The following LARP4 variants were observed in gnomAD, a reference collection of about 807,000 sequenced individuals.
The protein encoded by LARP4 is La ribonucleoprotein 4.
LARP4 carries 29 observed loss-of-function variants against 92.9 expected under a neutral mutation model. That is an observed-to-expected ratio of 0.31 (90% CI 0.23 to 0.43). The LOEUF (loss-of-function observed/expected upper bound fraction) is 0.43, where lower values mean the gene tolerates loss of function less well. Among genes scored for constraint, LARP4 ranks in the 20% least tolerant of loss-of-function variants. The probability of loss-of-function intolerance (pLI) is 1.00; values close to 1 mark genes in which losing one functional copy is unlikely to be tolerated. For missense variants in LARP4, 732 were observed against 860.0 expected (o/e 0.85, Z 1.86); for synonymous variants, 279 against 284.1 (o/e 0.98, Z 0.18).
At chr12:50,439,561 C>G (rs1950906644) in intron 6 of LARP4, among the ~76,000 whole-genome samples, 1 of 152,076 alleles carries the variant, frequency 6.6e-6, no homozygotes, top group Non-Finnish European at 1.5e-5. Flanking sequence ...AGCCACCATG[C>G]CCAGCCAATT....
At chr12:50,419,113 C>A (rs1947323483) in intron 1 of LARP4, among the ~76,000 whole-genome samples, 2 of 152,000 alleles carry the variant, frequency 1.3e-5, no homozygotes, top group South Asian at 4.2e-4. Context: ...GTAGTCCCAG[C>A]ACTTTGGGAG....
At chr12:50,440,081 C>T (rs546336386) in intron 6 of LARP4, among the ~76,000 whole-genome samples, 2 of 152,352 alleles carry the variant, frequency 1.3e-5, no homozygotes, top group Non-Finnish European at 2.9e-5. Context: ...TAGCTTGCCA[C>T]TGGAAGTGAA....
intron 1 of LARP4, among the ~76,000 whole-genome samples, chr12:50,422,261 G>A (rs368355092): frequency 5.7e-4 from 87 of 152,116 alleles, no homozygotes; most frequent in African/African-American, 2.0e-3. Context: ...CACTGCCCCC[G>A]ACCTACATTG....
At chr12:50,459,546 C>T (rs903067486) in intron 10 of LARP4, among the ~76,000 whole-genome samples, 1 of 151,906 alleles carries the variant, frequency 6.6e-6, no homozygotes, top group Non-Finnish European at 1.5e-5. Flanking sequence ...GAATGCATAG[C>T]TGGGCCTGGT....
intron 6 of LARP4, among the ~76,000 whole-genome samples, chr12:50,438,927 G>A (rs1219407660): frequency 6.6e-6 from 1 of 152,180 alleles, no homozygotes; most frequent in African/African-American, 2.4e-5. Flanking sequence ...TAGCTATTTA[G>A]AACAGAGTGT....
intron 8 of LARP4, among the ~76,000 whole-genome samples, chr12:50,448,363 T>A (rs1227955405): frequency 6.6e-6 from 1 of 152,142 alleles, no homozygotes; most frequent in Non-Finnish European, 1.5e-5. Flanking sequence ...AGACTGAAAC[T>A]CTATAAATGT....
At chr12:50,428,428 A>G (rs1178866776) in intron 2 of LARP4, among the ~76,000 whole-genome samples, 1 of 152,192 alleles carries the variant, frequency 6.6e-6, no homozygotes, top group African/African-American at 2.4e-5. Context: ...TGTAGTTTGT[A>G]TATAATTCTC....
intron 12 of LARP4, among the ~76,000 whole-genome samples, chr12:50,463,265 G>A (rs1484139639): frequency 6.6e-6 from 1 of 151,126 alleles, no homozygotes; most frequent in Non-Finnish European, 1.5e-5. Flanking sequence ...AAGCAGAACG[G>A]TCAGGACATC....
chr12:50,436,139 GTA>G (rs1419576593), intron 5 of LARP4, among the ~76,000 whole-genome samples: 1 of 139,220 alleles, frequency 7.2e-6, no homozygotes, highest in Non-Finnish European at 1.5e-5. Flanking sequence ...GTGTGTGTGT[GTA>G]TATATCCCGC....
chr12:50,458,900 G>A (rs1417730363), intron 10 of LARP4, among the ~76,000 whole-genome samples: 1 of 152,198 alleles, frequency 6.6e-6, no homozygotes, highest in Non-Finnish European at 1.5e-5. Context: ...GTCATGCCAT[G>A]CTATTGGGTG....
intron 1 of LARP4, among the ~76,000 whole-genome samples, chr12:50,424,447 C>T: frequency 6.6e-6 from 1 of 151,738 alleles, no homozygotes; most frequent in East Asian, 2.0e-4. Context: ...CAACCACTGT[C>T]TATGGGGTTC....
At chr12:50,456,517 T>A (rs555055577) in intron 10 of LARP4, among the ~76,000 whole-genome samples, 9 of 152,330 alleles carry the variant, frequency 5.9e-5, no homozygotes, top group Admixed American at 4.6e-4. Context: ...TGTTAACAGC[T>A]AAGGACAAAG....
At chr12:50,465,371 C>CAAAAA (rs368980753) in intron 12 of LARP4, among the ~76,000 whole-genome samples, 4 of 112,354 alleles carry the variant, frequency 3.6e-5, no homozygotes, top group Non-Finnish European at 5.2e-5. Flanking sequence ...GACTCTGTCT[C>CAAAAA]AAAAAAAAAA....
chr12:50,449,895 T>G (rs1398486091), intron 8 of LARP4, among the ~76,000 whole-genome samples: 1 of 150,350 alleles, frequency 6.7e-6, no homozygotes, highest in Admixed American at 6.6e-5. Context: ...AATTGACTCC[T>G]GAGACCTTTT....
chr12:50,440,325 G>T, intron 6 of LARP4, 114 bp from the exon 7 acceptor site: 1 of 710,992 alleles, frequency 1.4e-6, no homozygotes, highest in South Asian at 1.8e-5. Context: ...GTTAAGTGAA[G>T]TGATAGGACC....
rs1470159867 is a variant in LARP4 at position 50,476,084 on chromosome 12, A to G, written c.*220A>G. ...GATTCCAATCAATATAAATATATAT[A>G]TATATATACACACACATATATAAAA... is the stretch of plus-strand genomic sequence containing the variant. On this transcript the variant is annotated 3_prime_UTR_variant, in exon 16 of 16. Transcript: ENST00000398473. 1.2e-5 allele frequency: 3 copies of G among 246,982 alleles called. No homozygotes were observed. Among genetic ancestry groups the G allele is most frequent in the African/African-American group, 2.3e-5 (1 of 44,252 alleles). 15.3% of individuals were successfully genotyped at this position (246,982 alleles called of 1,614,324 possible).
chr12:50,423,510 G>T (rs536904380), intron 1 of LARP4, among the ~76,000 whole-genome samples: 6 of 152,136 alleles, frequency 3.9e-5, no homozygotes, highest in Admixed American at 3.9e-4. Flanking sequence ...GTGCAGTGGC[G>T]TAATCTCGGC....
At chr12:50,413,645 TG>T (rs1003835948) in intron 1 of LARP4, among the ~76,000 whole-genome samples, 3 of 152,206 alleles carry the variant, frequency 2.0e-5, no homozygotes, top group Non-Finnish European at 2.9e-5. Context: ...ATGGGACCAC[TG>T]TTGTACATGC....
In LARP4 at chr12:50,476,499, AGTCT is replaced by A. The variant is rs575471495; in HGVS notation, c.*640_*643del. On this transcript the variant is annotated 3_prime_UTR_variant, in exon 16 of 16. Coordinates refer to ENST00000398473, the MANE Select transcript of LARP4 (RefSeq NM_052879.5). ...GATTTTTTTTTCTAGTTTGAAATTT[AGTCT>A]GTCTTTTTGACCTTACTAATATTTC... 96 of 152,630 alleles carry A rather than the reference AGTCT, an allele frequency of 6.3e-4. No individual in the cohort carries two copies. The highest frequency in any genetic ancestry group is 2.1e-3 in the African/African-American group (86 of 41,530). The allele number at this position is 152,630 out of a possible 1,614,324, so 9.5% of individuals were successfully genotyped here.
Sources: gnomAD v4.1 joint callset for allele counts (sites outside exome capture counted in the v4.1 genomes callset) on GRCh38, gnomAD v4.1.1 for gene constraint, MANE v1.5 for transcripts, NCBI Gene and HGNC (gene_info 2026-07-23, HGNC 2026-07-21) for gene names.